The following RPS27A variants were observed in gnomAD, a reference collection of about 807,000 sequenced individuals.
RPS27A encodes ribosomal protein S27a, also known as ubiquitin-ribosomal protein eS31 fusion protein.
RPS27A carries 1 observed loss-of-function variant against 18.9 expected under a neutral mutation model. The ratio of observed to expected loss-of-function variants is 0.05; its 90% confidence interval spans 0.02 to 0.25. The LOEUF (loss-of-function observed/expected upper bound fraction) is 0.25. Among genes scored for constraint, RPS27A ranks in the 10% least tolerant of loss-of-function variants. The pLI, the probability that RPS27A is intolerant of heterozygous loss-of-function variation, is 1.00. For synonymous variants in RPS27A, 77 were observed against 63.7 expected, an observed-to-expected ratio of 1.21 and a Z score of -0.99; for missense variants, 123 against 187.4, an observed-to-expected ratio of 0.66 and a Z score of 2.01.
intron 2 of RPS27A, 178 bp downstream of exon 2, chr2:55,233,050 A>T: frequency 1.4e-6 from 1 of 695,706 alleles, no homozygotes; most frequent in Non-Finnish European, 2.6e-6. Context: ...TCGGTGGCCA[A>T]AGGCTGGACC....
chr2:55,232,681 G>A (rs1259686466), upstream of RPS27A: 9 of 785,880 alleles, frequency 1.1e-5, no homozygotes, highest in Admixed American at 4.0e-5. Context: ...CCTGCGCGGC[G>A]TTCTTCCTTT....
intron 5 of RPS27A, 55 bp downstream of exon 5, chr2:55,235,017 TA>T: frequency 6.3e-7 from 1 of 1,582,062 alleles, no homozygotes; most frequent in African/African-American, 1.3e-5. Flanking sequence ...TTGGAAAACT[TA>T]ATCTTTATAG....
chr2:55,235,181 G>A (rs543316126), intron 5 of RPS27A: 8 of 702,458 alleles, frequency 1.1e-5, no homozygotes, highest in African/African-American at 1.1e-4. Flanking sequence ...GTTTAAAGTC[G>A]GGTTTGGGTT....
intron 2 of RPS27A, 77 bp from the exon 3 acceptor site, chr2:55,233,286 G>A: frequency 8.1e-7 from 1 of 1,231,722 alleles, no homozygotes; most frequent in Non-Finnish European, 1.2e-6. Context: ...TCGGTTCAGT[G>A]GTAATTGTCA....
intron 1 of RPS27A, 31 bp downstream of exon 1, chr2:55,232,739 T>G (rs1573824870): frequency 7.9e-7 from 1 of 1,262,688 alleles, no homozygotes; most frequent in Admixed American, 1.9e-5. Context: ...TGCTCTCGGG[T>G]TAGCACCCTA....
chr2:55,234,305 G>A (rs1186933058), intron 4 of RPS27A, 101 bp downstream of exon 4: 5 of 841,908 alleles, frequency 5.9e-6, no homozygotes, highest in Admixed American at 2.0e-5. Context: ...TGTCACCTAG[G>A]GTGGAGTGAG....
chr2:55,232,694 G>T lies in RPS27A; in HGVS notation c.-32G>T. 2 of 842,498 alleles carry T rather than the reference G, an allele frequency of 2.4e-6. No homozygotes were observed. The highest frequency in any genetic ancestry group is 2.7e-5 in the East Asian group (1 of 37,718). 52.2% of individuals were successfully genotyped at this position (842,498 alleles called of 1,614,324 possible). ...GGCCTGCGCGGCGTTCTTCCTTTTC[G>T]ATCCGCCATCTGCGGTGGGTGTCTG... On this transcript the variant is annotated 5_prime_UTR_variant, in exon 1 of 6. Transcript: ENST00000272317.
chr2:55,234,366 C>T (rs893408146), intron 4 of RPS27A, 162 bp downstream of exon 4: 2 of 652,946 alleles, frequency 3.1e-6, no homozygotes, highest in Non-Finnish European at 5.5e-6. Context: ...GTCCTCCCAC[C>T]TCAGCCTCCT....
chr2:55,233,953 G>A (rs879890087), intron 3 of RPS27A, 166 bp from the exon 4 acceptor site: 6 of 677,734 alleles, frequency 8.9e-6, no homozygotes, highest in Non-Finnish European at 1.4e-5. Context: ...AATATTAAAT[G>A]CGGTAAAATG....
At chr2:55,234,617 TTG>T (rs1675699275) in intron 4 of RPS27A, 1 of 607,178 alleles carries the variant, frequency 1.6e-6, no homozygotes, top group African/African-American at 1.8e-5. Context: ...ATTATGAATT[TTG>T]CAAGTTGTAT....
At chr2:55,233,706 G>A (rs943261369) in intron 3 of RPS27A, 1 of 488,022 alleles carries the variant, frequency 2.0e-6, no homozygotes, top group Non-Finnish European at 3.7e-6. Flanking sequence ...CCGGCTTACT[G>A]CAGCCTCCGC....
chr2:55,234,859 T>G lies in RPS27A; in HGVS notation c.218T>G (p.Leu73Arg), dbSNP rs746849093. The G allele has an allele frequency of 6.2e-7, 1 of 1,612,628 alleles. No individual in the cohort carries two copies. Among genetic ancestry groups the G allele is most frequent in the South Asian group, 1.1e-5 (1 of 91,014 alleles). ...TCTACTCTTCATCTTGTGTTGAGAC[T>G]TCGTGGTGGTGCTAAGAAAAGGAAG... ...KESTLHLVLR[L>R]RGGAKKRKKK... Residue 73 changes from leucine to arginine, a missense_variant, in exon 5 of 6, where the codon CTT (leucine) becomes CGT (arginine). Coordinates refer to ENST00000272317, the MANE Select transcript of RPS27A (RefSeq NM_002954.6).
intron 5 of RPS27A, 193 bp downstream of exon 5, chr2:55,235,155 TGTA>T (rs1340049426): frequency 4.1e-6 from 3 of 731,614 alleles, no homozygotes; most frequent in Non-Finnish European, 6.7e-6. Flanking sequence ...AAATCAGTTA[TGTA>T]ATAGGGTTCT....
At chr2:55,233,287 GTAATTGTCAAAC>G (rs1675588808) in intron 2 of RPS27A, 64 bp from the exon 3 acceptor site, 1 of 1,242,878 alleles carries the variant, frequency 8.0e-7, no homozygotes, top group African/African-American at 1.5e-5. Flanking sequence ...CGGTTCAGTG[GTAATTGTCAAAC>G]TAAATGAGTT....
In RPS27A at chr2:55,234,191, A is replaced by G. The variant is rs1369450796; in HGVS notation, c.176A>G (p.Tyr59Cys). 6.2e-7 allele frequency: 1 copy of G among 1,606,884 alleles called. No individual in the cohort carries two copies. Among genetic ancestry groups the G allele is most frequent in the African/African-American group, 1.3e-5 (1 of 74,766 alleles). Residue 59 changes from tyrosine (Y) to cysteine (C), a missense_variant, in exon 4 of 6, where the codon TAC becomes TGC. Tyr to Cys is a radical substitution (Grantham distance 194). Around this residue, in one of 2 missense-constraint regions of RPS27A, gnomAD observed 66 missense variants for 72.6 expected, o/e 0.91. Coordinates refer to ENST00000272317, the MANE Select transcript of RPS27A (RefSeq NM_002954.6). ...QLEDGRTLSDYNIQKESTLHL... is the reference protein window; with the variant it reads ...QLEDGRTLSDCNIQKESTLHL... ...GAAGATGGACGTACTTTGTCTGACT[A>G]CAATATTCAAAAGGTCTGTCTAGGG...
chr2:55,235,407 C>T (rs1311438368), intron 5 of RPS27A, 21 bp from the exon 6 acceptor site: 3 of 1,611,560 alleles, frequency 1.9e-6, no homozygotes, highest in Admixed American at 1.7e-5. Flanking sequence ...ATTATCTTAA[C>T]AGCAGGTTTG....
rs1675710489 is a variant in RPS27A at position 55,234,820 on chromosome 2, TC to T, written c.190-9del. The T allele has an allele frequency of 6.2e-7, 1 of 1,611,832 alleles. No individual in the cohort carries two copies. The highest frequency in any genetic ancestry group is 8.5e-7 in the Non-Finnish European group (1 of 1,179,928). ...GAATCATGAAAGCTTGCTTCATTCTTCCATTAACAGGAGTCTACTCTTCATC... is the reference window on the plus strand; with the variant it reads ...GAATCATGAAAGCTTGCTTCATTCTTCATTAACAGGAGTCTACTCTTCATC... On this transcript the variant is annotated splice_polypyrimidine_tract_variant and intron_variant, in intron 4 of 5. Transcript: ENST00000272317.
At chr2:55,233,967 C>A in intron 3 of RPS27A, 152 bp from the exon 4 acceptor site, 1 of 698,156 alleles carries the variant, frequency 1.4e-6, no homozygotes, top group Admixed American at 2.2e-5. Flanking sequence ...TAAAATGTGA[C>A]ATGTAAAGAT....
intron 4 of RPS27A, 24 bp from the exon 5 acceptor site, chr2:55,234,807 C>T (rs1364917463): frequency 4.3e-6 from 7 of 1,611,442 alleles, no homozygotes; most frequent in Middle Eastern, 2.2e-4. Context: ...ATCATGAAAG[C>T]TTGCTTCATT....
Sources: allele counts gnomAD v4.1 joint callset, GRCh38; gene constraint gnomAD v4.1.1; regional missense constraint gnomAD v4.1.1; transcripts MANE v1.5; gene names NCBI Gene and HGNC (gene_info 2026-07-23, HGNC 2026-07-21).